PCDH9: variants seen among roughly 807,000 people sequenced by gnomAD.
The protein encoded by PCDH9 is protocadherin 9.
Under a neutral mutation model 70.6 loss-of-function variants are expected in PCDH9, and 24 were observed. The observed-to-expected ratio is 0.34, with a 90% CI of 0.25 to 0.48. PCDH9 has a LOEUF of 0.48. PCDH9 is among the 20% of genes least tolerant of loss of function. The pLI, the probability that PCDH9 is intolerant of heterozygous loss-of-function variation, is 0.99. For missense variants in PCDH9, 1,281 were observed against 1,503.6 expected, an observed-to-expected ratio of 0.85 and a Z score of 2.45; for synonymous variants, 562 against 558.5, an observed-to-expected ratio of 1.01 and a Z score of -0.09.
At chr13:67,079,889 G>GT (rs1241938255) in intron 2 of PCDH9, among the ~76,000 whole-genome samples, 1 of 152,118 alleles carries the variant, frequency 6.6e-6, no homozygotes, top group Non-Finnish European at 1.5e-5. Context: ...CTGATTTCAA[G>GT]TTTTAGACAT....
At chr13:67,004,274 A>T (rs2084303346) in intron 2 of PCDH9, among the ~76,000 whole-genome samples, 2 of 152,116 alleles carry the variant, frequency 1.3e-5, no homozygotes, top group Non-Finnish European at 2.9e-5. Flanking sequence ...AAGTTTTTTA[A>T]AAAAGAAATT....
chr13:66,782,589 G>A (rs779765779), intron 3 of PCDH9: 2 of 152,090 alleles, frequency 1.3e-5, no homozygotes, highest in Non-Finnish European at 2.9e-5. Flanking sequence ...AAGAAGTGAT[G>A]TTTTAGGCAT....
intron 4 of PCDH9, among the ~76,000 whole-genome samples, chr13:66,446,327 TA>T (rs111771408): frequency 4.0e-5 from 6 of 151,850 alleles, no homozygotes; most frequent in African/African-American, 1.4e-4. Flanking sequence ...CAGAAATGTT[TA>T]AAAAAAATGG....
intron 4 of PCDH9, among the ~76,000 whole-genome samples, chr13:66,351,503 T>G (rs1354258628): frequency 6.6e-6 from 1 of 152,148 alleles, no homozygotes; most frequent in African/African-American, 2.4e-5. Flanking sequence ...ATATTTTATT[T>G]AACCAGATCA....
rs1353903178 is a variant in PCDH9, at chr13:66,903,508, T to C, written c.3134A>G (p.Tyr1045Cys). The C allele has an allele frequency of 2.8e-6, 4 of 1,421,938 alleles. No homozygotes were observed. The highest frequency in any genetic ancestry group is 4.0e-6 in the Non-Finnish European group (4 of 1,006,812). The allele number at this position is 1,421,938 out of a possible 1,614,324, so 88.1% of individuals were successfully genotyped here. A position where few individuals can be genotyped will look rare whatever the true frequency, so the allele number is the denominator to read the frequency against. Residue 1045 changes from tyrosine to cysteine, a missense_variant, in exon 3 of 5, where the codon TAC becomes TGC. By Grantham distance (194) the Tyr-to-Cys change is radical (BLOSUM62 -2). Around this residue, in one of 4 missense-constraint regions of PCDH9, gnomAD observed 264 missense variants for 278.8 expected, o/e 0.95. Transcript: ENST00000377865. ...FHIQENEESH[Y>C]ESQRRVTFHL... ...CTCTATAGATATATGGCATACCTCG[T>C]AATGGCTTTCTTCATTCTCCTGAAT...
At chr13:66,774,915 C>T (rs1038068448) in intron 3 of PCDH9, among the ~76,000 whole-genome samples, 7 of 152,098 alleles carry the variant, frequency 4.6e-5, no homozygotes, top group Non-Finnish European at 1.0e-4. Context: ...CCATTTTACC[C>T]ACTAGCTTGT....
chr13:66,714,827 T>C (rs896817852), intron 3 of PCDH9, among the ~76,000 whole-genome samples: 1 of 152,162 alleles, frequency 6.6e-6, no homozygotes, highest in African/African-American at 2.4e-5. Context: ...TTAAGAACCA[T>C]GAAAGCAGCA....
chr13:67,154,656 C>T (rs149657147), intron 2 of PCDH9, among the ~76,000 whole-genome samples: 4 of 142,552 alleles, frequency 2.8e-5, no homozygotes, highest in Non-Finnish European at 6.1e-5. Context: ...ATACAAGATA[C>T]TCTCTTTTTT....
intron 4 of PCDH9, among the ~76,000 whole-genome samples, chr13:66,430,622 A>G (rs1957754677): frequency 6.6e-6 from 1 of 152,040 alleles, no homozygotes; most frequent in Non-Finnish European, 1.5e-5. Context: ...CCTGCCATCA[A>G]GGGTGCTTCC....
At chr13:66,980,966 T>C (rs943532214) in intron 2 of PCDH9, among the ~76,000 whole-genome samples, 2 of 152,124 alleles carry the variant, frequency 1.3e-5, no homozygotes, top group African/African-American at 4.8e-5. Context: ...CATTTTATCA[T>C]AGTCAGCCTT....
intron 2 of PCDH9, among the ~76,000 whole-genome samples, chr13:66,939,424 A>ATGTGTGTGTGTGTGTGTG (rs57997772): frequency 3.6e-4 from 54 of 148,132 alleles, no homozygotes; most frequent in Middle Eastern, 3.5e-3. Flanking sequence ...TTTAAAATAT[A>ATGTGTGTGTGTGTGTGTG]TGTGTGTGTG....
At chr13:66,445,270 A>G (rs1218435043) in intron 4 of PCDH9, among the ~76,000 whole-genome samples, 1 of 147,576 alleles carries the variant, frequency 6.8e-6, no homozygotes, top group Admixed American at 6.8e-5. Flanking sequence ...ATTTCACTAA[A>G]AATAAAAAAG....
At position 67,058,222 on chromosome 13, in the gene PCDH9, C is replaced by A. The variant is rs78161720; in HGVS notation, c.3037-154617G>T. ...TTATTTGTTCAATGTACACATATAT[C>A]TTTGTGTCTATGTGTATACGTCCAC... On this transcript the variant is annotated intron_variant, in intron 2 of 4. Coordinates refer to ENST00000377865, the MANE Select transcript of PCDH9 (RefSeq NM_203487.3). Among the ~76,000 whole-genome samples, 725 of 152,282 alleles carry A rather than the reference C, an allele frequency of 4.8e-3. 4 individuals are homozygous for A. Among genetic ancestry groups the A allele is most frequent in the African/African-American group, 0.012 (506 of 41,570 alleles).
chr13:66,732,995 A>T lies in PCDH9; in HGVS notation c.3139-101584T>A, dbSNP rs188311768. On this transcript the variant is annotated intron_variant, in intron 3 of 4. Coordinates refer to ENST00000377865, the MANE Select transcript of PCDH9 (RefSeq NM_203487.3). ...ATCTCTGATAATAAAATGGAAATTT[A>T]TATTTTAAGCATATATGTTTATATT... Among the ~76,000 whole-genome samples the T allele has an allele frequency of 4.6e-3, 701 of 152,218 alleles. 4 individuals carry two copies. Among genetic ancestry groups the T allele is most frequent in the Non-Finnish European group, 4.5e-3 (308 of 67,950 alleles).
chr13:66,334,680 T>A (rs1253996644), intron 4 of PCDH9, among the ~76,000 whole-genome samples: 1 of 152,084 alleles, frequency 6.6e-6, no homozygotes, highest in African/African-American at 2.4e-5. Context: ...AAAAAAAAGT[T>A]TTCTTGTCAG....
chr13:66,761,940 A>G (rs571249304), intron 3 of PCDH9, among the ~76,000 whole-genome samples: 168 of 151,204 alleles, frequency 1.1e-3, no homozygotes, highest in Non-Finnish European at 2.0e-3. Context: ...CTAATTATTA[A>G]TGATCCTTTT....
At chr13:66,392,544 T>G (rs1420719455) in intron 4 of PCDH9, among the ~76,000 whole-genome samples, 1 of 152,142 alleles carries the variant, frequency 6.6e-6, no homozygotes, top group East Asian at 1.9e-4. Context: ...GCAGTGCAAT[T>G]CAGTTATTCT....
intron 1 of PCDH9, among the ~76,000 whole-genome samples, chr13:67,229,399 G>GA (rs535044680): frequency 1.1e-4 from 16 of 151,974 alleles, no homozygotes; most frequent in South Asian, 2.1e-4. Context: ...ACATAAAAGA[G>GA]AAAAAAAATG....
At position 66,849,509 on chromosome 13, in the gene PCDH9, TATATATATAGAGAG is replaced by T. The variant is rs1208783517; in HGVS notation, c.3138+53981_3138+53994del. On this transcript the variant is annotated intron_variant, in intron 3 of 4. Transcript: ENST00000377865. Reference sequence around the variant, plus strand: ...AGGTATATATATATATATATATATATATATATATAGAGAGAGAGAGAGAGAGAGAGAGAGAGATT... The same window carrying T: ...AGGTATATATATATATATATATATATAGAGAGAGAGAGAGAGAGAGAGATT... 2.2e-4 allele frequency among the ~76,000 whole-genome samples: 19 copies of T among 86,666 alleles called. No individual in the cohort carries two copies. In the South Asian group the frequency reaches 6.8e-3, roughly 31 times the overall value. The allele number at this position is 86,666 out of a possible 152,430, so 56.9% of individuals were successfully genotyped here.
Sources: gnomAD v4.1 joint callset for allele counts (sites outside exome capture counted in the v4.1 genomes callset) on GRCh38, gnomAD v4.1.1 for gene constraint, gnomAD v4.1.1 regional missense constraint, MANE v1.5 for transcripts, NCBI Gene and HGNC (gene_info 2026-07-23, HGNC 2026-07-21) for gene names.